PLK1: variants seen among roughly 807,000 people sequenced by gnomAD.
PLK1 encodes polo like kinase 1.
In PLK1, 6 loss-of-function variants were observed where a neutral mutation model predicts 56.7. The ratio of observed to expected loss-of-function variants is 0.11; its 90% confidence interval spans 0.06 to 0.21. The LOEUF is 0.21. PLK1 is among the 10% of genes least tolerant of loss of function. The probability of loss-of-function intolerance (pLI) is 1.00; values close to 1 mark genes in which losing one functional copy is unlikely to be tolerated. For missense variants in PLK1, 546 were observed against 814.4 expected (o/e 0.67, Z 4.01); for synonymous variants, 298 against 325.0 (o/e 0.92, Z 0.89).
chr16:23,679,996 G>C, intron 1 of PLK1, 88 bp from the exon 2 acceptor site: 1 of 908,004 alleles, frequency 1.1e-6, no homozygotes, highest in Non-Finnish European at 1.7e-6. Flanking sequence ...GTCCAGTCCT[G>C]TGCTTCCTTT....
At position 23,689,477 on chromosome 16, in the gene PLK1, A is replaced by G; in HGVS notation, c.1426-17A>G. 1.9e-6 allele frequency: 3 copies of G among 1,603,522 alleles called. No individual in the cohort carries two copies. Among genetic ancestry groups the G allele is most frequent in the East Asian group, 4.5e-5 (2 of 44,556 alleles). ...TCAGACTCTAATTCTGGAACCCCTT[A>G]CCTACTTTTCATCCAGATCACCCTC... is the stretch of plus-strand genomic sequence containing the variant. On this transcript the variant is annotated splice_polypyrimidine_tract_variant and intron_variant, in intron 8 of 9. Transcript: ENST00000300093. The surrounding 1 kb of genome is among the most constrained non-coding windows in gnomAD (Gnocchi z 4.8).
Position 23,689,491 on chromosome 16 carries a change from C to A in PLK1, c.1426-3C>A, listed in dbSNP as rs774952418. 1 of 1,606,128 alleles carries A rather than the reference C, an allele frequency of 6.2e-7. No homozygotes were observed. The highest frequency in any genetic ancestry group is 1.3e-5 in the African/African-American group (1 of 74,898). ...TGGAACCCCTTACCTACTTTTCATC[C>A]AGATCACCCTCCTTAAATATTTCCG... On this transcript the variant is annotated splice_polypyrimidine_tract_variant and splice_region_variant and intron_variant, in intron 8 of 9. Coordinates refer to ENST00000300093, the MANE Select transcript of PLK1 (RefSeq NM_005030.6). This position sits in a 1 kb window ranked among gnomAD's most constrained non-coding sequence, Gnocchi z 4.8.
At position 23,682,950 on chromosome 16, in the gene PLK1, C is replaced by T. The variant is rs527864504; in HGVS notation, c.816+793C>T. ...TCAGAATTATGAATCACTGTGAATC[C>T]CAGGGCTTCCTAATGGCATAGTTGT... On this transcript the variant is annotated intron_variant, in intron 4 of 9. Transcript: ENST00000300093. 5.3e-5 allele frequency among the ~76,000 whole-genome samples: 8 copies of T among 151,588 alleles called. No individual in the cohort carries two copies. The South Asian group carries it at 1.7e-3, about 32-fold the overall frequency.
chr16:23,687,443 C>T (rs200031052), intron 5 of PLK1, 26 bp from the exon 6 acceptor site: 89 of 1,524,274 alleles, frequency 5.8e-5, no homozygotes, highest in South Asian at 2.2e-4. Context: ...CCCTTCCCAA[C>T]GCCCCTGTTT....
intron 4 of PLK1, among the ~76,000 whole-genome samples, chr16:23,683,411 G>C (rs42873): frequency 0.2 from 29,956 of 152,094 alleles, 3,246 homozygotes; most frequent in East Asian, 0.43. Context: ...CAGGAGGCCT[G>C]TCACCATAAG....
At position 23,680,308 on chromosome 16, in the gene PLK1, G is replaced by C. The variant is rs570194577; in HGVS notation, c.577+56G>C. 3.9e-6 allele frequency: 6 copies of C among 1,519,966 alleles called. No individual in the cohort carries two copies. The South Asian group carries it at 6.9e-5, about 18-fold the overall frequency. The allele number at this position is 1,519,966 out of a possible 1,614,324, so 94.2% of individuals were successfully genotyped here. On this transcript the variant is annotated intron_variant, in intron 2 of 9. Coordinates refer to ENST00000300093, the MANE Select transcript of PLK1 (RefSeq NM_005030.6). ...CATCACTACAAGAGGCTGGAATTTG[G>C]AGGAGGCTGGGAGAAAGGAAGGAGA...
At position 23,680,899 on chromosome 16, in the gene PLK1, C is replaced by T. The variant is rs1329829857; in HGVS notation, c.578-15C>T. Reference sequence around the variant, plus strand: ...GCTGGCATCTAAGTACCAACTCTTCCTCCCTCTGTCCCAGGGGATTTTGGA... The same window carrying T: ...GCTGGCATCTAAGTACCAACTCTTCTTCCCTCTGTCCCAGGGGATTTTGGA... On this transcript the variant is annotated splice_polypyrimidine_tract_variant and intron_variant, in intron 2 of 9. Transcript: ENST00000300093. The T allele has an allele frequency of 1.2e-6, 2 of 1,600,934 alleles. No homozygotes were observed. Among genetic ancestry groups the T allele is most frequent in the Admixed American group, 1.8e-5 (1 of 56,184 alleles).
At chr16:23,687,781 G>A (rs919121220) in intron 6 of PLK1, 157 bp downstream of exon 6, 13 of 461,374 alleles carry the variant, frequency 2.8e-5, no homozygotes, top group African/African-American at 1.0e-4. Flanking sequence ...CCCTGCTTCC[G>A]TGGCTCCTGC....
At chr16:23,688,539 A>G (rs1959467769) in intron 6 of PLK1, 129 bp from the exon 7 acceptor site, 1 of 743,060 alleles carries the variant, frequency 1.3e-6, no homozygotes. Flanking sequence ...CTGGGGCCCT[A>G]GGCCTCTCAA....
At position 23,681,913 on chromosome 16, in the gene PLK1, G is replaced by T; in HGVS notation, c.723-151G>T. 6 of 604,846 alleles carry T rather than the reference G, an allele frequency of 9.9e-6. No individual in the cohort carries two copies. The South Asian group carries it at 1.2e-4, about 12-fold the overall frequency. 37.5% of individuals were successfully genotyped at this position (604,846 alleles called of 1,614,324 possible). ...AGCCAATGTCATGGCTTCTGGGGCT[G>T]CTCAGTGGACTTAGGGATTGTCTTC... On this transcript the variant is annotated intron_variant, in intron 3 of 9. Coordinates refer to ENST00000300093, the MANE Select transcript of PLK1 (RefSeq NM_005030.6).
rs772440426 is a variant in PLK1 at position 23,684,037 on chromosome 16, T to C, written c.984T>C (p.Ala328=). ...CLTIPPRFSI[A]PSSLDPSNRK... The stretch of plus-strand genomic sequence containing the variant: ...CCATTCCACCAAGGTTTTCGATTGC[T>C]CCCAGCAGCCTGGACCCCAGCAACC... The change falls in exon 5 of 10, where the codon GCT becomes GCC. Residue 328 remains alanine (A), a synonymous_variant. Transcript: ENST00000300093. The C allele has an allele frequency of 5.0e-6, 8 of 1,613,996 alleles. No individual in the cohort carries two copies. The South Asian group carries it at 8.8e-5, about 18-fold the overall frequency.
chr16:23,680,762 G>A, intron 2 of PLK1, 152 bp from the exon 3 acceptor site: 2 of 728,926 alleles, frequency 2.7e-6, no homozygotes, highest in Non-Finnish European at 4.5e-6. Flanking sequence ...ATGGGAGGAA[G>A]ATTCCTGGGC....
In PLK1 at chr16:23,689,838, C is replaced by A. The variant is rs776366121; in HGVS notation, c.1609-22C>A. Reference sequence around the variant, plus strand: ...TACACTGGCCTCTGGGATCGCCAACCCCTGCTGCTCTTCTCTTGCAGGATC... The same window carrying A: ...TACACTGGCCTCTGGGATCGCCAACACCTGCTGCTCTTCTCTTGCAGGATC... On this transcript the variant is annotated intron_variant, in intron 9 of 9. Coordinates refer to ENST00000300093, the MANE Select transcript of PLK1 (RefSeq NM_005030.6). This position sits in a 1 kb window ranked among gnomAD's most constrained non-coding sequence, Gnocchi z 4.8. 6.2e-7 allele frequency: 1 copy of A among 1,605,966 alleles called. No individual in the cohort carries two copies. Among genetic ancestry groups the A allele is most frequent in the South Asian group, 1.1e-5 (1 of 90,920 alleles).
chr16:23,690,252 T>C lies in PLK1; in HGVS notation c.*189T>C, dbSNP rs1406516082. 2 of 607,632 alleles carry C rather than the reference T, an allele frequency of 3.3e-6. No homozygotes were observed. Among genetic ancestry groups the C allele is most frequent in the South Asian group, 3.9e-5 (2 of 51,598 alleles). The allele number at this position is 607,632 out of a possible 1,614,324, so 37.6% of individuals were successfully genotyped here. A position where few individuals can be genotyped will look rare whatever the true frequency, so the allele number is the denominator to read the frequency against. ...TTTGTACATGTTCGGGTGTGGGTTCTACAGCCTTGTCCCCCTCCCCCTCAA... is the reference window on the plus strand; with the variant it reads ...TTTGTACATGTTCGGGTGTGGGTTCCACAGCCTTGTCCCCCTCCCCCTCAA... On this transcript the variant is annotated 3_prime_UTR_variant, in exon 10 of 10. Coordinates refer to ENST00000300093, the MANE Select transcript of PLK1 (RefSeq NM_005030.6).
intron 1 of PLK1, chr16:23,679,768 A>C: frequency 3.3e-6 from 1 of 302,944 alleles, no homozygotes; most frequent in East Asian, 6.1e-5. Flanking sequence ...CGAGTCAGGA[A>C]AGGGATCTGG....
Position 23,687,530 on chromosome 16 carries a change from A to AGGT in PLK1, c.1100_1102dup (p.Gly367dup). The AGGT allele has an allele frequency of 6.2e-7, 1 of 1,603,426 alleles. No individual in the cohort carries two copies. ...AAGAAGAACCAGTGGTTCGAGAGACAGGTGAGGTGGTCGACTGCCACCTCA... is the reference window on the plus strand; with the variant it reads ...AAGAAGAACCAGTGGTTCGAGAGACAGGTGGTGAGGTGGTCGACTGCCACCTCA... On this transcript the variant is annotated inframe_insertion, in exon 6 of 10. Transcript: ENST00000300093.
Position 23,684,045 on chromosome 16 carries a change from G to T in PLK1, c.992G>T (p.Ser331Ile), listed in dbSNP as rs146042616. The change falls in exon 5 of 10, where the codon AGC becomes ATC. Residue 331 changes from serine to isoleucine, a missense_variant. Physicochemically the swap from Ser to Ile is moderately radical, Grantham distance 142. Transcript: ENST00000300093. ...IPPRFSIAPS[S>I]LDPSNRKPLT... is the part of the protein sequence containing the mutation. ...CCAAGGTTTTCGATTGCTCCCAGCA[G>T]CCTGGACCCCAGCAACCGGAAGCCC... 1.2e-6 allele frequency: 2 copies of T among 1,614,140 alleles called. No individual in the cohort carries two copies. Among genetic ancestry groups the T allele is most frequent in the South Asian group, 1.1e-5 (1 of 91,076 alleles).
intron 1 of PLK1, 51 bp from the exon 2 acceptor site, chr16:23,680,033 C>G: frequency 7.4e-7 from 1 of 1,349,674 alleles, no homozygotes; most frequent in Non-Finnish European, 1.1e-6. Flanking sequence ...CCTTCCCCAC[C>G]GGCCTCAATC....
rs745607142 is a variant in PLK1 at position 23,682,171 on chromosome 16, C to G, written c.816+14C>G. On this transcript the variant is annotated intron_variant, in intron 4 of 9. Coordinates refer to ENST00000300093, the MANE Select transcript of PLK1 (RefSeq NM_005030.6). ...AGTATTCCCAAGGTGACTAATGATG[C>G]TTTAAGTTTACATTTATTTTGTTTT... The G allele has an allele frequency of 1.7e-5, 23 of 1,348,180 alleles. No homozygotes were observed. Among genetic ancestry groups the G allele is most frequent in the Admixed American group, 1.7e-5 (1 of 58,960 alleles). 83.5% of individuals were successfully genotyped at this position (1,348,180 alleles called of 1,614,324 possible).
Sources: allele counts gnomAD v4.1 joint callset (sites outside exome capture counted in the v4.1 genomes callset), GRCh38; gene constraint gnomAD v4.1.1; non-coding constraint Gnocchi (gnomAD v3.1); transcripts MANE v1.5; gene names NCBI Gene and HGNC (gene_info 2026-07-23, HGNC 2026-07-21).